ATP6V1D: variants seen among roughly 807,000 people sequenced by gnomAD.
ATP6V1D encodes V-type proton ATPase subunit D.
Under a neutral mutation model 39.4 loss-of-function variants are expected in ATP6V1D, and 20 were observed. That is an observed-to-expected ratio of 0.51 (90% confidence interval 0.36 to 0.74). ATP6V1D has a LOEUF of 0.74. Ranked by LOEUF, ATP6V1D falls within the 30% of genes least tolerant of loss-of-function variation. ATP6V1D has a pLI of 0.00. For missense variants in ATP6V1D, 228 were observed against 291.6 expected (o/e 0.78, Z 1.59); for synonymous variants, 100 against 100.5 (o/e 0.99, Z 0.03).
intron 7 of ATP6V1D, among the ~76,000 whole-genome samples, chr14:67,341,395 C>T (rs1352620199): frequency 2.2e-4 from 33 of 151,648 alleles, no homozygotes; most frequent in East Asian, 3.9e-4. Context: ...CCCCTCCGCC[C>T]GGCAGCCGCC....
intron 6 of ATP6V1D, among the ~76,000 whole-genome samples, chr14:67,343,839 G>A (rs1294449808): frequency 6.6e-6 from 1 of 152,228 alleles, no homozygotes; most frequent in African/African-American, 2.4e-5. Context: ...TTGGGTGACA[G>A]AGTAAGACCC....
chr14:67,339,553 A>G (rs2085564337), intron 8 of ATP6V1D, among the ~76,000 whole-genome samples: 1 of 152,106 alleles, frequency 6.6e-6, no homozygotes, highest in Non-Finnish European at 1.5e-5. Flanking sequence ...ATCCCTGTAC[A>G]CTACCAGTTT....
intron 1 of ATP6V1D, among the ~76,000 whole-genome samples, chr14:67,355,310 AT>A (rs368985855): frequency 7.2e-5 from 11 of 151,738 alleles, no homozygotes; most frequent in Admixed American, 6.6e-5. Context: ...CCTTGTTTCA[AT>A]TTTTTTCCCC....
At chr14:67,349,236 CT>C in intron 3 of ATP6V1D, 132 bp from the exon 4 acceptor site, 1 of 877,780 alleles carries the variant, frequency 1.1e-6, no homozygotes, top group Non-Finnish European at 1.7e-6. Flanking sequence ...GATAACTGTC[CT>C]TTTTCCAAAA....
At chr14:67,348,848 T>C (rs2085639461) in intron 4 of ATP6V1D, 189 bp downstream of exon 4, 1 of 595,198 alleles carries the variant, frequency 1.7e-6, no homozygotes, top group Admixed American at 3.2e-5. Context: ...TGTTCACTTC[T>C]ATACAAAAGT....
At chr14:67,343,156 G>A (rs1404592209) in intron 7 of ATP6V1D, among the ~76,000 whole-genome samples, 1 of 152,134 alleles carries the variant, frequency 6.6e-6, no homozygotes, top group Non-Finnish European at 1.5e-5. Context: ...ACTTTCCTAT[G>A]TGTGTAACTC....
intron 7 of ATP6V1D, among the ~76,000 whole-genome samples, chr14:67,341,986 G>C (rs1021561084): frequency 2.0e-5 from 3 of 151,642 alleles, no homozygotes; most frequent in Admixed American, 1.3e-4. Flanking sequence ...CTTGAAGGCA[G>C]CATGCTCGTT....
chr14:67,344,363 TTTC>T (rs1261290761), intron 6 of ATP6V1D, among the ~76,000 whole-genome samples: 1 of 152,206 alleles, frequency 6.6e-6, no homozygotes, highest in Admixed American at 6.5e-5. Flanking sequence ...TATCAAATCA[TTTC>T]TGCTTCAACA....
At chr14:67,344,344 A>G (rs1183994883) in intron 6 of ATP6V1D, among the ~76,000 whole-genome samples, 1 of 152,194 alleles carries the variant, frequency 6.6e-6, no homozygotes, top group Non-Finnish European at 1.5e-5. Context: ...TTGGCTTTCA[A>G]TAAACCTTTA....
At chr14:67,338,843 A>T in intron 8 of ATP6V1D, 81 bp from the exon 9 acceptor site, 1 of 1,353,988 alleles carries the variant, frequency 7.4e-7, no homozygotes, top group Non-Finnish European at 1.0e-6. Context: ...TTTTGTAACA[A>T]GGATAATAAA....
chr14:67,350,472 G>A (rs2141105936), intron 3 of ATP6V1D, 139 bp downstream of exon 3: 1 of 638,324 alleles, frequency 1.6e-6, no homozygotes, highest in East Asian at 3.1e-5. Context: ...AGGTGATGGG[G>A]TTAAAAGAAT....
chr14:67,341,789 T>A (rs1039182926), intron 7 of ATP6V1D, among the ~76,000 whole-genome samples: 2 of 152,222 alleles, frequency 1.3e-5, no homozygotes, highest in East Asian at 3.8e-4. Flanking sequence ...GGTTGCTGTG[T>A]CTGTGTAGAA....
chr14:67,356,437 A>C (rs2085685335), intron 1 of ATP6V1D, among the ~76,000 whole-genome samples: 1 of 143,036 alleles, frequency 7.0e-6, no homozygotes, highest in South Asian at 2.3e-4. Flanking sequence ...ACAAAAACAA[A>C]AAAAAAAAAA....
chr14:67,347,395 A>T lies in ATP6V1D; in HGVS notation c.352+14T>A. The stretch of plus-strand genomic sequence containing the variant: ...CCCAGAGACACAAAGTAATACAAAA[A>T]GTTTCACACTTACTGTCAGTTCCTT... On this transcript the variant is annotated intron_variant, in intron 5 of 8. Transcript: ENST00000216442. The T allele has an allele frequency of 1.3e-6, 2 of 1,588,116 alleles. No individual in the cohort carries two copies. The highest frequency in any genetic ancestry group is 1.7e-6 in the Non-Finnish European group (2 of 1,159,216).
In ATP6V1D at chr14:67,352,972, G is replaced by C. The variant is rs770953326; in HGVS notation, c.110C>G (p.Ser37Cys). The change falls in exon 2 of 9, where the codon TCT becomes TGT. Residue 37 changes from serine to cysteine, a missense_variant. Physicochemically the swap from Ser to Cys is moderately radical, Grantham distance 112 (BLOSUM62 -1). Around this residue, in one of 3 missense-constraint regions of ATP6V1D, gnomAD observed 104 missense variants for 120.2 expected, o/e 0.87. Coordinates refer to ENST00000216442, the MANE Select transcript of ATP6V1D (RefSeq NM_015994.4). Reference sequence around the variant, plus strand: ...TCGAAATCGAAGAGTTAAGGCATCAGATTTTTTCTTCAGGAGGTTTCGACC... The same window carrying C: ...TCGAAATCGAAGAGTTAAGGCATCACATTTTTTCTTCAGGAGGTTTCGACC... ...QTGRNLLKKK[S>C]DALTLRFRQI... is the part of the protein sequence containing the mutation. 6.2e-7 allele frequency: 1 copy of C among 1,613,976 alleles called. No individual in the cohort carries two copies. Among genetic ancestry groups the C allele is most frequent in the South Asian group, 1.1e-5 (1 of 91,064 alleles).
chr14:67,348,908 TAAAGCC>T (rs1416061775), intron 4 of ATP6V1D, 123 bp downstream of exon 4: 1 of 866,772 alleles, frequency 1.2e-6, no homozygotes, highest in Non-Finnish European at 1.8e-6. Context: ...TTTTAACATG[TAAAGCC>T]AATCAACTTG....
intron 7 of ATP6V1D, among the ~76,000 whole-genome samples, chr14:67,341,660 G>A (rs1253749443): frequency 3.3e-5 from 5 of 152,312 alleles, no homozygotes; most frequent in South Asian, 2.1e-4. Context: ...CCCTCTGCCC[G>A]GCCACCACCC....
chr14:67,355,580 G>A (rs1377460441), intron 1 of ATP6V1D, among the ~76,000 whole-genome samples: 1 of 151,742 alleles, frequency 6.6e-6, no homozygotes, highest in African/African-American at 2.4e-5. Flanking sequence ...CTTTAGATTG[G>A]GTGATCAGGA....
intron 4 of ATP6V1D, among the ~76,000 whole-genome samples, chr14:67,347,916 CTT>C (rs3067318): frequency 0.16 from 22,980 of 146,112 alleles, 3,302 homozygotes; most frequent in East Asian, 0.42. Flanking sequence ...AACTTGCCTT[CTT>C]TTTTTTTTTT....
Sources: allele counts gnomAD v4.1 joint callset (sites outside exome capture counted in the v4.1 genomes callset), GRCh38; gene constraint gnomAD v4.1.1; regional missense constraint gnomAD v4.1.1; transcripts MANE v1.5; gene names NCBI Gene and HGNC (gene_info 2026-07-23, HGNC 2026-07-21).